Variants in AATK observed in about 807,000 individuals in gnomAD.
The protein encoded by AATK is serine/threonine-protein kinase LMTK1.
In AATK, 91 loss-of-function variants were observed where a neutral mutation model predicts 114.3. That is an observed-to-expected ratio of 0.80 (90% CI 0.67 to 0.95). AATK has a LOEUF of 0.95. Among genes scored for constraint, AATK ranks in the 40% least tolerant of loss-of-function variants. AATK has a pLI of 0.00. For synonymous variants in AATK, 1,075 were observed against 916.5 expected (o/e 1.17, Z -3.12); for missense variants, 2,176 against 1,965.2 (o/e 1.11, Z -2.03).
chr17:81,139,824 G>C (rs941820074), intron 1 of AATK, among the ~76,000 whole-genome samples: 24 of 152,190 alleles, frequency 1.6e-4, no homozygotes, highest in Non-Finnish European at 1.2e-4. Context: ...GCCTGCAGTG[G>C]ATACACCGTG....
intron 9 of AATK, 124 bp downstream of exon 9, chr17:81,124,603 C>T (rs567192955): frequency 1.8e-5 from 27 of 1,477,290 alleles, no homozygotes; most frequent in East Asian, 1.4e-4. Context: ...GGGCTGCTGG[C>T]GTGTGGCCAC....
chr17:81,143,311 G>A (rs2061165398), intron 1 of AATK, among the ~76,000 whole-genome samples: 1 of 152,176 alleles, frequency 6.6e-6, no homozygotes, highest in African/African-American at 2.4e-5. Flanking sequence ...ACCTGACCTG[G>A]CCCAGCTTCT....
chr17:81,122,304 G>T lies in AATK; in HGVS notation c.1632C>A (p.Asp544Glu). Residue 544 changes from aspartate to glutamate, a missense_variant, in exon 11 of 14, where the codon GAC becomes GAA. Physicochemically the swap from Asp to Glu is conservative, Grantham distance 45. Around this residue, in one of 4 missense-constraint regions of AATK, gnomAD observed 1,701 missense variants for 1,394.7 expected, o/e 1.22. Coordinates refer to ENST00000326724, the MANE Select transcript of AATK (RefSeq NM_001080395.3). ...TGGGGGCGCAGCCGGCGCAGTCAGGGTCGTGGCCGGCGGCGGGTGCGGCCT... is the reference window on the plus strand; with the variant it reads ...TGGGGGCGCAGCCGGCGCAGTCAGGTTCGTGGCCGGCGGCGGGTGCGGCCT... The part of the protein sequence containing the change: ...LEEAAPAAGH[D>E]PDCAGCAPSP... The T allele has an allele frequency of 2.0e-6, 3 of 1,510,894 alleles. No individual in the cohort carries two copies. The highest frequency in any genetic ancestry group is 2.6e-5 in the East Asian group (1 of 38,374). 93.6% of individuals were successfully genotyped at this position (1,510,894 alleles called of 1,614,324 possible).
chr17:81,134,223 TG>T, intron 2 of AATK, 144 bp downstream of exon 2: 1 of 1,078,788 alleles, frequency 9.3e-7, no homozygotes, highest in Non-Finnish European at 1.3e-6. Flanking sequence ...AGGGTCCACG[TG>T]GTCCCCAGGT....
chr17:81,157,501 G>A (rs1019941441), intron 1 of AATK, among the ~76,000 whole-genome samples: 1 of 152,110 alleles, frequency 6.6e-6, no homozygotes, highest in Non-Finnish European at 1.5e-5. Context: ...ACAGTTCCCG[G>A]GGGTTACCAC....
intron 1 of AATK, among the ~76,000 whole-genome samples, chr17:81,161,712 G>A (rs2061431196): frequency 6.6e-6 from 1 of 152,192 alleles, no homozygotes; most frequent in Non-Finnish European, 1.5e-5. Context: ...TATGAGACCT[G>A]TCCATGGTCA....
intron 9 of AATK, among the ~76,000 whole-genome samples, chr17:81,123,575 G>T (rs8069877): frequency 1.3e-5 from 2 of 152,198 alleles, no homozygotes; most frequent in African/African-American, 4.8e-5. Flanking sequence ...CATAAAGGCC[G>T]GGCTGGCCGA....
intron 1 of AATK, among the ~76,000 whole-genome samples, chr17:81,155,028 G>A (rs547888436): frequency 5.3e-5 from 8 of 152,202 alleles, no homozygotes; most frequent in Non-Finnish European, 7.3e-5. Context: ...TGTGAACTGC[G>A]TGGAGACCTT....
At chr17:81,140,489 G>A (rs2061105853) in intron 1 of AATK, among the ~76,000 whole-genome samples, 1 of 152,254 alleles carries the variant, frequency 6.6e-6, no homozygotes, top group Non-Finnish European at 1.5e-5. Context: ...TGGGTGCCTT[G>A]CATGGCAAAA....
chr17:81,130,816 TGCCAACCCCTG>T (rs1389870011), intron 3 of AATK, among the ~76,000 whole-genome samples: 1 of 150,624 alleles, frequency 6.6e-6, no homozygotes, highest in East Asian at 2.0e-4. Flanking sequence ...TCCTGGACCC[TGCCAACCCCTG>T]GCCGGCCCCC....
chr17:81,151,120 G>A (rs1379247477), intron 1 of AATK, among the ~76,000 whole-genome samples: 1 of 152,124 alleles, frequency 6.6e-6, no homozygotes, highest in African/African-American at 2.4e-5. Flanking sequence ...TTTGTGGGCT[G>A]GGGAACAGGA....
Position 81,124,946 on chromosome 17 carries a change from G to A in AATK, c.824C>T (p.Ala275Val). ...CCCACTCACTCTGTACTTGCAGTGAGCCAGGCCATAGTCACCAATCTTCAC... is the reference window on the plus strand; with the variant it reads ...CCCACTCACTCTGTACTTGCAGTGAACCAGGCCATAGTCACCAATCTTCAC... ...LTVKIGDYGL[A>V]HCKYREDYFV... Residue 275 changes from alanine to valine, a missense_variant, in exon 8 of 14, where the codon GCT (alanine) becomes GTT (valine). By Grantham distance (64) the Ala-to-Val change is moderately conservative. This residue lies in a region of AATK where 273 missense variants were observed against 344.1 expected (regional missense o/e 0.79). Coordinates refer to ENST00000326724, the MANE Select transcript of AATK (RefSeq NM_001080395.3). 1 of 1,575,520 alleles carries A rather than the reference G, an allele frequency of 6.3e-7. No homozygotes were observed. The highest frequency in any genetic ancestry group is 8.6e-7 in the Non-Finnish European group (1 of 1,160,690).
chr17:81,146,702 G>C (rs970433320), intron 1 of AATK, among the ~76,000 whole-genome samples: 3 of 152,150 alleles, frequency 2.0e-5, no homozygotes, highest in African/African-American at 4.8e-5. Flanking sequence ...CTGGATGACA[G>C]AGCAAGACGC....
chr17:81,119,925 C>T lies in AATK; in HGVS notation c.3883+11G>A. ...CCGTGACGTCACGGGCCCAGCCCCG[C>T]CCCTGCTCACCCTCTTCCGCTGTGG... On this transcript the variant is annotated intron_variant, in intron 12 of 13. Transcript: ENST00000326724. 1.4e-6 allele frequency: 2 copies of T among 1,428,844 alleles called. No individual in the cohort carries two copies. The highest frequency in any genetic ancestry group is 9.1e-7 in the Non-Finnish European group (1 of 1,093,676). The allele number at this position is 1,428,844 out of a possible 1,614,324, so 88.5% of individuals were successfully genotyped here.
chr17:81,118,276 G>A lies in AATK; in HGVS notation c.*126C>T. ...CTTCTCCAGGACACCGCGTGGGGCA[G>A]AGGCACCTGAATCTGCTGCCAACAG... On this transcript the variant is annotated 3_prime_UTR_variant, in exon 14 of 14. Transcript: ENST00000326724. 2.1e-6 allele frequency: 2 copies of A among 965,910 alleles called. No homozygotes were observed. The highest frequency in any genetic ancestry group is 3.1e-5 in the South Asian group (2 of 64,428). 59.8% of individuals were successfully genotyped at this position (965,910 alleles called of 1,614,324 possible).
In AATK at chr17:81,138,262, T is replaced by A. The variant is rs571396922; in HGVS notation, c.56-3761A>T. On this transcript the variant is annotated intron_variant, in intron 1 of 13. Transcript: ENST00000326724. ...ATACCCACACACATGCACAGAGACA[T>A]ACCCACATGCACGTGCACACCCACC... 9.0e-5 allele frequency among the ~76,000 whole-genome samples: 10 copies of A among 111,248 alleles called. No homozygotes were observed. The East Asian group carries it at 2.8e-3, about 31-fold the overall frequency. The allele number at this position is 111,248 out of a possible 152,430, so 73.0% of individuals were successfully genotyped here. A position where few individuals can be genotyped will look rare whatever the true frequency, so the allele number is the denominator to read the frequency against.
intron 1 of AATK, chr17:81,165,640 T>A: frequency 6.8e-7 from 1 of 1,474,308 alleles, no homozygotes; most frequent in Admixed American, 2.0e-5. Flanking sequence ...CCAACTCTCC[T>A]GGACACCAGG....
intron 1 of AATK, chr17:81,165,698 GCCA>G (rs2061479936): frequency 6.6e-7 from 1 of 1,516,804 alleles, no homozygotes; most frequent in African/African-American, 1.4e-5. Context: ...CCTGGAGGCA[GCCA>G]CGGAGTCACG....
chr17:81,126,498 C>T lies in AATK; in HGVS notation c.684G>A (p.Arg228=), dbSNP rs761644698. The T allele has an allele frequency of 6.4e-7, 1 of 1,552,086 alleles. No homozygotes were observed. Among genetic ancestry groups the T allele is most frequent in the South Asian group, 1.2e-5 (1 of 84,194 alleles). The change falls in exon 7 of 14, where the codon CGG becomes CGA. Residue 228 remains arginine, a synonymous_variant. Transcript: ENST00000326724. This position sits in a 1 kb window ranked among gnomAD's most constrained non-coding sequence, Gnocchi z 5.1. Reference sequence around the variant, plus strand: ...CCTCACAGGCCATGCGCTGCAGGGTCCGGGGGTCGGGAGCCATGGACTCCG... The same window carrying T: ...CCTCACAGGCCATGCGCTGCAGGGTTCGGGGGTCGGGAGCCATGGACTCCG... ...RVAESMAPDP[R]TLQRMACEVA...
Sources: gnomAD v4.1 joint callset for allele counts (sites outside exome capture counted in the v4.1 genomes callset) on GRCh38, gnomAD v4.1.1 for gene constraint, gnomAD v4.1.1 regional missense constraint, Gnocchi (gnomAD v3.1) non-coding constraint, MANE v1.5 for transcripts, NCBI Gene and HGNC (gene_info 2026-07-23, HGNC 2026-07-21) for gene names.